LRRTM4: variants seen among roughly 807,000 people sequenced by gnomAD.
LRRTM4 encodes leucine-rich repeat transmembrane neuronal protein 4.
Under a neutral mutation model 47.6 loss-of-function variants are expected in LRRTM4, and 25 were observed. The ratio of observed to expected loss-of-function variants is 0.53; its 90% CI spans 0.38 to 0.73. The LOEUF is 0.73. Ranked by LOEUF, LRRTM4 falls within the 30% of genes least tolerant of loss-of-function variation. LRRTM4 has a pLI of 0.00. For synonymous variants in LRRTM4, 311 were observed against 269.5 expected, an observed-to-expected ratio of 1.15 and a Z score of -1.51; for missense variants, 638 against 713.4, an observed-to-expected ratio of 0.89 and a Z score of 1.20.
At chr2:77,420,042 G>A (rs1187481079) in intron 3 of LRRTM4, among the ~76,000 whole-genome samples, 1 of 152,164 alleles carries the variant, frequency 6.6e-6, no homozygotes, top group African/African-American at 2.4e-5. Flanking sequence ...GTGTTGGCTG[G>A]TGTTTCTGTC....
chr2:77,258,753 A>ATT (rs149845260), intron 3 of LRRTM4, among the ~76,000 whole-genome samples: 1 of 150,110 alleles, frequency 6.7e-6, no homozygotes, highest in African/African-American at 2.5e-5. Context: ...CACCATTCTT[A>ATT]TTTTTAAAAA....
At chr2:77,142,123 G>A (rs901427408) in intron 3 of LRRTM4, among the ~76,000 whole-genome samples, 2 of 152,152 alleles carry the variant, frequency 1.3e-5, no homozygotes, top group Admixed American at 6.6e-5. Flanking sequence ...TTATAGTTTA[G>A]CCACAAGCTT....
At chr2:77,107,327 A>G (rs929615331) in intron 3 of LRRTM4, among the ~76,000 whole-genome samples, 6 of 152,330 alleles carry the variant, frequency 3.9e-5, no homozygotes, top group Non-Finnish European at 5.9e-5. Context: ...TGCTTGATTA[A>G]ATCATGTATA....
intron 3 of LRRTM4, among the ~76,000 whole-genome samples, chr2:77,477,292 ATGGAGAGTT>A (rs1677443214): frequency 1.3e-5 from 2 of 152,144 alleles, no homozygotes; most frequent in African/African-American, 4.8e-5. Context: ...GATATCATGG[ATGGAGAGTT>A]CCATGGCAAA....
intron 3 of LRRTM4, among the ~76,000 whole-genome samples, chr2:77,013,214 G>A (rs764507134): frequency 3.8e-4 from 58 of 152,190 alleles, no homozygotes; most frequent in Admixed American, 7.2e-4. Context: ...TGAGGTAGAA[G>A]CAAAGAGCAG....
At chr2:77,450,998 A>T (rs1244068969) in intron 3 of LRRTM4, among the ~76,000 whole-genome samples, 2 of 152,164 alleles carry the variant, frequency 1.3e-5, no homozygotes, top group Admixed American at 6.6e-5. Context: ...ATTTTCTAAA[A>T]ATTCTATATG....
At chr2:76,837,086 T>A (rs921927604) in intron 3 of LRRTM4, among the ~76,000 whole-genome samples, 2 of 152,286 alleles carry the variant, frequency 1.3e-5, no homozygotes, top group East Asian at 3.9e-4. Flanking sequence ...ATTCAGAGAT[T>A]CAACTTCTTC....
At chr2:77,428,854 C>A (rs1434560697) in intron 3 of LRRTM4, among the ~76,000 whole-genome samples, 1 of 152,158 alleles carries the variant, frequency 6.6e-6, no homozygotes, top group Non-Finnish European at 1.5e-5. Context: ...TGTCTGAATT[C>A]ATCGGTATGT....
chr2:77,037,722 ATTTG>A (rs1678884136), intron 3 of LRRTM4, among the ~76,000 whole-genome samples: 1 of 151,622 alleles, frequency 6.6e-6, no homozygotes, highest in African/African-American at 2.4e-5. Context: ...GACACATTTT[ATTTG>A]TTTGGTTGTT....
chr2:77,003,676 A>G (rs373847528), intron 3 of LRRTM4, among the ~76,000 whole-genome samples: 2 of 152,186 alleles, frequency 1.3e-5, no homozygotes, highest in Admixed American at 1.3e-4. Context: ...TGTCTTTATT[A>G]GTAGTGTGAG....
intron 3 of LRRTM4, among the ~76,000 whole-genome samples, chr2:77,204,320 C>T (rs1041417594): frequency 2.6e-5 from 4 of 151,774 alleles, no homozygotes; most frequent in African/African-American, 9.7e-5. Context: ...AATCATGTAA[C>T]GTTTTTAAAG....
chr2:77,110,512 TG>T (rs1671221422), intron 3 of LRRTM4, among the ~76,000 whole-genome samples: 1 of 152,140 alleles, frequency 6.6e-6, no homozygotes. Context: ...ACTTTAAAAA[TG>T]GATTTTTACT....
At chr2:76,920,299 C>T (rs1434917190) in intron 3 of LRRTM4, among the ~76,000 whole-genome samples, 2 of 152,064 alleles carry the variant, frequency 1.3e-5, no homozygotes, top group African/African-American at 4.8e-5. Context: ...CCTCTATTAG[C>T]CTCAGATAAG....
chr2:77,395,529 T>C (rs2103823440), intron 3 of LRRTM4, among the ~76,000 whole-genome samples: 1 of 152,084 alleles, frequency 6.6e-6, no homozygotes, highest in African/African-American at 2.4e-5. Context: ...ATAAATTCCC[T>C]TGAGGAGACC....
intron 3 of LRRTM4, among the ~76,000 whole-genome samples, chr2:77,365,353 C>T (rs1672401791): frequency 6.6e-6 from 1 of 152,002 alleles, no homozygotes; most frequent in Non-Finnish European, 1.5e-5. Context: ...TGTGTTCCAG[C>T]TCTGTGAAAC....
chr2:77,389,326 T>A (rs1322919345), intron 3 of LRRTM4, among the ~76,000 whole-genome samples: 2 of 152,086 alleles, frequency 1.3e-5, no homozygotes, highest in Non-Finnish European at 2.9e-5. Context: ...GGAACTTAAT[T>A]AGATGTTAAA....
chr2:76,759,122 G>A (rs1673163367), intron 3 of LRRTM4, among the ~76,000 whole-genome samples: 1 of 152,062 alleles, frequency 6.6e-6, no homozygotes, highest in African/African-American at 2.4e-5. Flanking sequence ...GCTAGGAGCT[G>A]GGTATATAAA....
chr2:77,403,131 A>C (rs1223496102), intron 3 of LRRTM4, among the ~76,000 whole-genome samples: 1 of 151,890 alleles, frequency 6.6e-6, no homozygotes, highest in Non-Finnish European at 1.5e-5. Flanking sequence ...TCCTAAAAAA[A>C]TGTCTCCCAG....
chr2:77,500,254 C>T (rs1678521680), intron 3 of LRRTM4, among the ~76,000 whole-genome samples: 1 of 151,866 alleles, frequency 6.6e-6, no homozygotes, highest in South Asian at 2.1e-4. Context: ...AGCATTCTCA[C>T]AGCTTCCTAA....
Sources: gnomAD v4.1 joint callset for allele counts (sites outside exome capture counted in the v4.1 genomes callset) on GRCh38, gnomAD v4.1.1 for gene constraint, MANE v1.5 for transcripts, NCBI Gene and HGNC (gene_info 2026-07-23, HGNC 2026-07-21) for gene names.